The following CSMD1 variants were observed in gnomAD, a reference collection of about 807,000 sequenced individuals.
CSMD1 encodes the protein CUB and sushi domain-containing protein 1.
Under a neutral mutation model 417.5 loss-of-function variants are expected in CSMD1, and 213 were observed. That is an observed-to-expected ratio of 0.51 (90% CI 0.46 to 0.57). The LOEUF is 0.57. CSMD1 is among the 20% of genes least tolerant of loss of function. The pLI, the probability that CSMD1 is intolerant of heterozygous loss-of-function variation, is 0.00. For missense variants in CSMD1, 6,923 were observed against 4,529.7 expected (o/e 1.53, Z -15.17); for synonymous variants, 2,862 against 1,736.8 (o/e 1.65, Z -16.11).
At chr8:3,855,034 T>A (rs764473552) in intron 5 of CSMD1, among the ~76,000 whole-genome samples, 1 of 152,004 alleles carries the variant, frequency 6.6e-6, no homozygotes, top group African/African-American at 2.4e-5. Flanking sequence ...CACAAAAACA[T>A]GCATATGCAG....
chr8:4,870,925 A>G (rs1229862796), intron 1 of CSMD1, among the ~76,000 whole-genome samples: 1 of 152,138 alleles, frequency 6.6e-6, no homozygotes, highest in Middle Eastern at 3.2e-3. Context: ...GGTATCACAC[A>G]CTGCAGGGAT....
chr8:4,039,935 T>C (rs1183330373), intron 3 of CSMD1, among the ~76,000 whole-genome samples: 2 of 152,190 alleles, frequency 1.3e-5, no homozygotes, highest in African/African-American at 2.4e-5. Context: ...AAGCTTACTC[T>C]TGGGTTTATT....
At chr8:4,789,458 C>G (rs1399746369) in intron 1 of CSMD1, among the ~76,000 whole-genome samples, 2 of 152,110 alleles carry the variant, frequency 1.3e-5, no homozygotes, top group Non-Finnish European at 2.9e-5. Flanking sequence ...CAAAATAACG[C>G]ATTTAAACGC....
At chr8:4,586,388 A>C (rs1799701448) in intron 2 of CSMD1, among the ~76,000 whole-genome samples, 1 of 152,110 alleles carries the variant, frequency 6.6e-6, no homozygotes, top group South Asian at 2.1e-4. Flanking sequence ...GGTTACATAA[A>C]CTGTTAAAGT....
chr8:3,485,697 T>G (rs1336568415), intron 11 of CSMD1, among the ~76,000 whole-genome samples: 2 of 151,612 alleles, frequency 1.3e-5, no homozygotes, highest in Admixed American at 6.6e-5. Flanking sequence ...GAGGCAGCAG[T>G]TGCAGTGAGT....
intron 28 of CSMD1, among the ~76,000 whole-genome samples, chr8:3,219,717 G>A (rs977055488): frequency 2.6e-5 from 4 of 152,026 alleles, no homozygotes; most frequent in Non-Finnish European, 5.9e-5. Context: ...AGTCATAATA[G>A]CAGAGGTATG....
In CSMD1 at chr8:4,560,766, G is replaced by C. The variant is rs192334950; in HGVS notation, c.302+76576C>G. 3.9e-3 allele frequency among the ~76,000 whole-genome samples: 589 copies of C among 152,300 alleles called. 11 individuals carry two copies. The highest frequency in any genetic ancestry group is 2.5e-3 in the Non-Finnish European group (170 of 68,028). ...TCTTTCCTTCCTCCTATTCTTCAGA[G>C]TGCTGCACCTGCACTGTAGCCTGAA... On this transcript the variant is annotated intron_variant, in intron 2 of 69. Transcript: ENST00000635120.
chr8:4,773,681 G>A (rs1234812168), intron 1 of CSMD1, among the ~76,000 whole-genome samples: 2 of 152,022 alleles, frequency 1.3e-5, no homozygotes, highest in Non-Finnish European at 2.9e-5. Context: ...TTATCGTCAG[G>A]CTTTGCACGC....
At chr8:4,890,126 C>T (rs932593947) in intron 1 of CSMD1, among the ~76,000 whole-genome samples, 3 of 152,094 alleles carry the variant, frequency 2.0e-5, no homozygotes, top group Non-Finnish European at 4.4e-5. Flanking sequence ...ATGATGGCCT[C>T]TAGAAAAATC....
intron 2 of CSMD1, among the ~76,000 whole-genome samples, chr8:4,471,141 C>G (rs1204610209): frequency 3.3e-5 from 5 of 152,100 alleles, no homozygotes; most frequent in Admixed American, 1.3e-4. Context: ...TTCAACAGAA[C>G]AGAACCATTA....
intron 2 of CSMD1, among the ~76,000 whole-genome samples, chr8:4,488,061 C>G (rs1183320632): frequency 6.6e-6 from 1 of 152,176 alleles, no homozygotes; most frequent in East Asian, 1.9e-4. Context: ...TTGTCTCTTT[C>G]TGTCTCTGCC....
chr8:3,008,891 C>A (rs1458182802), intron 52 of CSMD1, among the ~76,000 whole-genome samples: 1 of 152,138 alleles, frequency 6.6e-6, no homozygotes, highest in Non-Finnish European at 1.5e-5. Flanking sequence ...ACCTTCACAT[C>A]ATAACGCACG....
intron 7 of CSMD1, among the ~76,000 whole-genome samples, chr8:3,686,393 A>T (rs909234308): frequency 2.8e-4 from 42 of 152,238 alleles, no homozygotes; most frequent in African/African-American, 9.1e-4. Flanking sequence ...ACTGACGATG[A>T]GAGTTGCATC....
chr8:2,956,826 C>A (rs1436099614), intron 63 of CSMD1, among the ~76,000 whole-genome samples: 1 of 152,034 alleles, frequency 6.6e-6, no homozygotes, highest in Non-Finnish European at 1.5e-5. Flanking sequence ...TTAGTAACCA[C>A]AACAAATACC....
At chr8:4,021,198 G>A (rs1029582893) in intron 4 of CSMD1, among the ~76,000 whole-genome samples, 1 of 152,162 alleles carries the variant, frequency 6.6e-6, no homozygotes, top group Admixed American at 6.5e-5. Context: ...TGGCATAACT[G>A]AAATACACAT....
chr8:3,268,181 C>G (rs940010756), intron 26 of CSMD1, among the ~76,000 whole-genome samples: 1 of 151,076 alleles, frequency 6.6e-6, no homozygotes, highest in Non-Finnish European at 1.5e-5. Flanking sequence ...GAGTGAATAT[C>G]GAATGGTAAG....
chr8:3,984,964 A>C (rs1814208399), intron 5 of CSMD1, among the ~76,000 whole-genome samples: 1 of 152,038 alleles, frequency 6.6e-6, no homozygotes, highest in Non-Finnish European at 1.5e-5. Flanking sequence ...AATTTGGTGA[A>C]GACTTGGGAA....
intron 3 of CSMD1, among the ~76,000 whole-genome samples, chr8:4,052,424 C>G (rs1798480976): frequency 6.6e-6 from 1 of 152,020 alleles, no homozygotes; most frequent in South Asian, 2.1e-4. Flanking sequence ...ATTGGAGATC[C>G]CAAATATCTT....
At chr8:3,723,129 G>A (rs555849959) in intron 6 of CSMD1, among the ~76,000 whole-genome samples, 4 of 152,206 alleles carry the variant, frequency 2.6e-5, no homozygotes, top group Admixed American at 6.6e-5. Context: ...AGTCCAATTC[G>A]GTGGTTCTAG....
Sources: allele counts gnomAD v4.1 joint callset (sites outside exome capture counted in the v4.1 genomes callset), GRCh38; gene constraint gnomAD v4.1.1; transcripts MANE v1.5; gene names NCBI Gene and HGNC (gene_info 2026-07-23, HGNC 2026-07-21).